Variants in VPS13D observed in about 807,000 individuals in gnomAD.
VPS13D encodes vacuolar protein sorting 13 homolog D.
Under a neutral mutation model 461.9 loss-of-function variants are expected in VPS13D, and 187 were observed. The ratio of observed to expected loss-of-function variants is 0.40; its 90% CI spans 0.36 to 0.46. VPS13D has a LOEUF of 0.46. VPS13D is among the 20% of genes least tolerant of loss of function. The pLI is 0.60. For missense variants in VPS13D, 4,711 were observed against 5,364.9 expected, an observed-to-expected ratio of 0.88 and a Z score of 3.81; for synonymous variants, 1,951 against 1,986.3, an observed-to-expected ratio of 0.98 and a Z score of 0.47.
chr1:12,493,156 A>G (rs554526438), intron 67 of VPS13D, among the ~76,000 whole-genome samples: 7 of 150,758 alleles, frequency 4.6e-5, no homozygotes, highest in African/African-American at 1.7e-4. Context: ...ACTGAGGATA[A>G]TAAGCCCAGT....
At position 12,495,149 on chromosome 1, in the gene VPS13D, C is replaced by CTT. The variant is rs768628311; in HGVS notation, c.12663-2334_12663-2333dup. The stretch of plus-strand genomic sequence containing the variant: ...AGATGACTGACTTGATGTAACTTAC[C>CTT]TTTTTTTTTTTTTTTTTTGAGACAG... On this transcript the variant is annotated intron_variant, in intron 67 of 69. Transcript: ENST00000620676. The surrounding 1 kb of genome is among the most constrained non-coding windows in gnomAD (Gnocchi z 4.0). 1.3e-4 allele frequency among the ~76,000 whole-genome samples: 18 copies of CTT among 138,688 alleles called. No individual in the cohort carries two copies. The highest frequency in any genetic ancestry group is 1.9e-4 in the African/African-American group (7 of 37,296). 91.0% of individuals were successfully genotyped at this position (138,688 alleles called of 152,430 possible). A position where few individuals can be genotyped will look rare whatever the true frequency, so the allele number is the denominator to read the frequency against.
At chr1:12,486,615 C>G (rs945986208) in intron 67 of VPS13D, among the ~76,000 whole-genome samples, 1 of 152,162 alleles carries the variant, frequency 6.6e-6, no homozygotes, top group Admixed American at 6.5e-5. Context: ...TGAACGTGAC[C>G]CAGGTCGGTA....
At chr1:12,351,426 G>A (rs916120686) in intron 46 of VPS13D, among the ~76,000 whole-genome samples, 1 of 152,002 alleles carries the variant, frequency 6.6e-6, no homozygotes, top group African/African-American at 2.4e-5. Flanking sequence ...GAGTAGCTGG[G>A]ATTACAGGCG....
intron 38 of VPS13D, among the ~76,000 whole-genome samples, chr1:12,334,557 A>C (rs1276408481): frequency 6.6e-6 from 1 of 152,252 alleles, no homozygotes; most frequent in Non-Finnish European, 1.5e-5. Flanking sequence ...ATTTGAGGCC[A>C]GAAGTTCCAG....
chr1:12,330,825 C>T lies in VPS13D; in HGVS notation c.8287+907C>T, dbSNP rs1643311369. ...TCAGGTGATCCACCTGCCTCAGCCT[C>T]CCAAAGTGGTGGGATTACAGGCGTG... On this transcript the variant is annotated intron_variant, in intron 37 of 69. Coordinates refer to ENST00000620676, the MANE Select transcript of VPS13D (RefSeq NM_015378.4). Among the ~76,000 whole-genome samples the T allele has an allele frequency of 2.6e-5, 4 of 152,192 alleles. No homozygotes were observed. The South Asian group carries it at 8.3e-4, about 32-fold the overall frequency.
At chr1:12,357,717 A>G (rs879334857) in intron 49 of VPS13D, among the ~76,000 whole-genome samples, 6 of 152,216 alleles carry the variant, frequency 3.9e-5, no homozygotes, top group Non-Finnish European at 7.3e-5. Context: ...CTATTGTAAT[A>G]GTATCAGGCC....
intron 29 of VPS13D, among the ~76,000 whole-genome samples, chr1:12,313,688 T>G (rs1200444059): frequency 6.6e-6 from 1 of 152,164 alleles, no homozygotes; most frequent in Non-Finnish European, 1.5e-5. Flanking sequence ...TACAGCAGTT[T>G]CACATAAACA....
Position 12,308,518 on chromosome 1 carries a change from C to G in VPS13D, c.6527C>G (p.Ser2176Trp). ...FAAERHPREY[S>W]KAPEDSSGDL... ...GCAGAGAGACATCCGAGAGAATACT[C>G]GAAGGCACCAGAGGATAGTAGTGGA... Residue 2176 changes from serine (S) to tryptophan (W), a missense_variant, in exon 27 of 70, where the codon TCG becomes TGG. Transcript: ENST00000620676. The G allele has an allele frequency of 6.2e-7, 1 of 1,614,090 alleles. No homozygotes were observed. The highest frequency in any genetic ancestry group is 8.5e-7 in the Non-Finnish European group (1 of 1,180,020).
At position 12,240,213 on chromosome 1, in the gene VPS13D, G is replaced by A. The variant is rs192559046; in HGVS notation, c.98-2300G>A. ...TAATTTTTCGTGGTGCGAGTTGCCT[G>A]CAATTCCCTTTACTTTCCCAAGGTT... is the stretch of plus-strand genomic sequence containing the variant. On this transcript the variant is annotated intron_variant, in intron 2 of 69. Coordinates refer to ENST00000620676, the MANE Select transcript of VPS13D (RefSeq NM_015378.4). Among the ~76,000 whole-genome samples the A allele has an allele frequency of 1.1e-4, 16 of 152,180 alleles. No individual in the cohort carries two copies. The East Asian group carries it at 3.1e-3, about 29-fold the overall frequency.
chr1:12,431,983 C>G (rs1202837268), intron 65 of VPS13D, among the ~76,000 whole-genome samples: 1 of 152,022 alleles, frequency 6.6e-6, no homozygotes, highest in Non-Finnish European at 1.5e-5. Context: ...TTGGGTGATG[C>G]CAAAATTAAT....
chr1:12,257,975 T>C lies in VPS13D; in HGVS notation c.982T>C (p.Tyr328His), dbSNP rs769162998. ...WWYFALNANL[Y>H]EIREQRKRCT... is the part of the protein sequence containing the mutation. The stretch of plus-strand genomic sequence containing the variant: ...GTATTTTGCTTTGAATGCTAACTTG[T>C]ATGAGATCAGAGAGCAGAGGAAACG... The change falls in exon 10 of 70, where the codon TAT (tyrosine) becomes CAT (histidine). Residue 328 changes from tyrosine to histidine, a missense_variant. By Grantham distance (83) the Tyr-to-His change is moderately conservative. This residue lies in a region of VPS13D where 4,411 missense variants were observed against 4,937.8 expected (regional missense o/e 0.89). Coordinates refer to ENST00000620676, the MANE Select transcript of VPS13D (RefSeq NM_015378.4). 6.2e-6 allele frequency: 10 copies of C among 1,614,056 alleles called. No individual in the cohort carries two copies. The highest frequency in any genetic ancestry group is 3.3e-5 in the Admixed American group (2 of 59,996).
In VPS13D at chr1:12,256,308, G is replaced by A. The variant is rs759495141; in HGVS notation, c.670-25G>A. On this transcript the variant is annotated intron_variant, in intron 7 of 69. Coordinates refer to ENST00000620676, the MANE Select transcript of VPS13D (RefSeq NM_015378.4). ...ACCAGAAGGAAAGCCATTCGGAGCA[G>A]AGCAGGTGTTCTTGTGACACACAGG... 1.6e-5 allele frequency: 26 copies of A among 1,610,352 alleles called. No individual in the cohort carries two copies. The South Asian group carries it at 2.9e-4, about 18-fold the overall frequency.
chr1:12,504,932 TGGCGCTGGGGGCTG>T (rs989165742), intron 68 of VPS13D, among the ~76,000 whole-genome samples: 3 of 151,194 alleles, frequency 2.0e-5, no homozygotes, highest in African/African-American at 7.3e-5. Flanking sequence ...CCCAGGGTGG[TGGCGCTGGGGGCTG>T]GGGGCTGGGG....
At chr1:12,450,153 A>G (rs529699735) in intron 65 of VPS13D, among the ~76,000 whole-genome samples, 1 of 152,278 alleles carries the variant, frequency 6.6e-6, no homozygotes, top group South Asian at 2.1e-4. Flanking sequence ...TTACAGTAGA[A>G]AGTATGTGAT....
intron 19 of VPS13D, among the ~76,000 whole-genome samples, chr1:12,278,958 T>A (rs1641699711): frequency 6.6e-6 from 1 of 152,210 alleles, no homozygotes; most frequent in Non-Finnish European, 1.5e-5. Context: ...GGTGATGAAA[T>A]TAATGCCTTT....
intron 52 of VPS13D, 37 bp from the exon 53 acceptor site, chr1:12,368,431 C>T (rs767086168): frequency 6.4e-7 from 1 of 1,573,062 alleles, no homozygotes; most frequent in Non-Finnish European, 8.6e-7. Context: ...TTGTCTCCTA[C>T]ATTTTATGTA....
chr1:12,367,140 C>T (rs552144253), intron 52 of VPS13D, among the ~76,000 whole-genome samples: 8 of 152,222 alleles, frequency 5.3e-5, no homozygotes, highest in African/African-American at 1.9e-4. Flanking sequence ...AGAGTAGTCC[C>T]GCTTTGCCCA....
chr1:12,353,430 G>A (rs965357606), intron 46 of VPS13D, among the ~76,000 whole-genome samples: 11 of 151,530 alleles, frequency 7.3e-5, no homozygotes, highest in African/African-American at 2.7e-4. Context: ...CTACTCGGAA[G>A]GCTGAGGCTG....
intron 67 of VPS13D, among the ~76,000 whole-genome samples, chr1:12,479,690 A>G (rs1645687639): frequency 6.6e-6 from 1 of 152,142 alleles, no homozygotes; most frequent in African/African-American, 2.4e-5. Flanking sequence ...CTTCTGGGCC[A>G]TCTCTCGGTC....
Sources: allele counts gnomAD v4.1 joint callset (sites outside exome capture counted in the v4.1 genomes callset), GRCh38; gene constraint gnomAD v4.1.1; regional missense constraint gnomAD v4.1.1; non-coding constraint Gnocchi (gnomAD v3.1); transcripts MANE v1.5; gene names NCBI Gene and HGNC (gene_info 2026-07-23, HGNC 2026-07-21).